Variants in PTK7 observed in about 807,000 individuals in gnomAD.
PTK7 encodes inactive tyrosine-protein kinase 7.
Under a neutral mutation model 116.6 loss-of-function variants are expected in PTK7, and 39 were observed. The ratio of observed to expected loss-of-function variants is 0.33; its 90% CI spans 0.26 to 0.44. PTK7 has a LOEUF of 0.44. Among genes scored for constraint, PTK7 ranks in the 20% least tolerant of loss-of-function variants. PTK7 has a pLI of 1.00. For missense variants in PTK7, 1,169 were observed against 1,425.6 expected (o/e 0.82, Z 2.90); for synonymous variants, 546 against 563.6 (o/e 0.97, Z 0.44).
intron 1 of PTK7, among the ~76,000 whole-genome samples, chr6:43,092,159 C>T (rs1237063700): frequency 6.6e-6 from 1 of 151,848 alleles, no homozygotes; most frequent in East Asian, 1.9e-4. Context: ...CTGTGCCCGG[C>T]CTACTGTGCC....
rs1412424517 is a variant in PTK7, at chr6:43,157,368, TTTTTTTTC to T, written c.2722-1441_2722-1434del. On this transcript the variant is annotated intron_variant, in intron 17 of 19. Coordinates refer to ENST00000230419, the MANE Select transcript of PTK7 (RefSeq NM_002821.5). Reference sequence around the variant, plus strand: ...TATATATATATATATATATATATTTTTTTTTTTCTTTTTTTTTTTTTTTTTTTAATAGA... The same window carrying T: ...TATATATATATATATATATATATTTTTTTTTTTTTTTTTTTTTTTAATAGA... Among the ~76,000 whole-genome samples the T allele has an allele frequency of 8.9e-3, 576 of 64,496 alleles. 32 individuals carry two copies. Among genetic ancestry groups the T allele is most frequent in the Non-Finnish European group, 0.011 (358 of 32,518 alleles). 42.3% of individuals were successfully genotyped at this position (64,496 alleles called of 152,430 possible).
At chr6:43,121,838 C>A (rs1211493361) in intron 1 of PTK7, among the ~76,000 whole-genome samples, 2 of 152,208 alleles carry the variant, frequency 1.3e-5, no homozygotes, top group Non-Finnish European at 2.9e-5. Flanking sequence ...TGAGACTGTT[C>A]TTCAAAACGT....
At chr6:43,132,988 G>A (rs949211221) in intron 7 of PTK7, 1 of 512,106 alleles carries the variant, frequency 2.0e-6, no homozygotes, top group Admixed American at 3.4e-5. Flanking sequence ...CCAATGCACA[G>A]AGTGACGATG....
At chr6:43,131,029 TCACACACACACACA>T (rs3222659) in intron 5 of PTK7, among the ~76,000 whole-genome samples, 7,340 of 133,832 alleles carry the variant, frequency 0.055, 238 homozygotes, top group Non-Finnish European at 0.076. Flanking sequence ...GGCAAAGACA[TCACACACACACACA>T]CACACACACA....
In PTK7 at chr6:43,132,588, G is replaced by T; in HGVS notation, c.1129G>T (p.Val377Leu). The change falls in exon 7 of 20, where the codon GTG becomes TTG. Residue 377 changes from valine (V) to leucine (L), a missense_variant. Around this residue, in one of 3 missense-constraint regions of PTK7, gnomAD observed 487 missense variants for 549.8 expected, o/e 0.89. Transcript: ENST00000230419. Reference protein sequence around the residue: ...GRVYQKGHELVLANIAESDAG... With the variant: ...GRVYQKGHELLLANIAESDAG... The stretch of plus-strand genomic sequence containing the variant: ...GGTCTACCAGAAGGGCCACGAGCTG[G>T]TGTTGGCCAATATTGCTGAAAGTGA... 6.2e-7 allele frequency: 1 copy of T among 1,612,848 alleles called. No homozygotes were observed. Among genetic ancestry groups the T allele is most frequent in the Non-Finnish European group, 8.5e-7 (1 of 1,179,658 alleles).
Position 43,161,042 on chromosome 6 carries a change from T to C in PTK7, c.*161T>C. On this transcript the variant is annotated 3_prime_UTR_variant, in exon 20 of 20. Transcript: ENST00000230419. The stretch of plus-strand genomic sequence containing the variant: ...AGCAGGGCCTGGCCTTTCCTCCTCT[T>C]CCTCACCCTCATCCTTTGGGAGGCT... The C allele has an allele frequency of 9.6e-7, 1 of 1,042,788 alleles. No individual in the cohort carries two copies. Among genetic ancestry groups the C allele is most frequent in the Non-Finnish European group, 1.3e-6 (1 of 744,786 alleles). 64.6% of individuals were successfully genotyped at this position (1,042,788 alleles called of 1,614,324 possible).
At chr6:43,103,834 C>G (rs1299488010) in intron 1 of PTK7, among the ~76,000 whole-genome samples, 2 of 152,196 alleles carry the variant, frequency 1.3e-5, no homozygotes, top group African/African-American at 2.4e-5. Context: ...GTGAATCCTT[C>G]TAGGACACCT....
At chr6:43,144,678 G>C in intron 15 of PTK7, 72 bp downstream of exon 15, 1 of 1,523,396 alleles carries the variant, frequency 6.6e-7, no homozygotes, top group African/African-American at 1.4e-5. Flanking sequence ...CTGGGTACGG[G>C]CTAGTGTTCT....
chr6:43,080,049 CAA>C (rs1173188904), intron 1 of PTK7, among the ~76,000 whole-genome samples: 192 of 56,788 alleles, frequency 3.4e-3, no homozygotes, highest in African/African-American at 8.1e-3. Context: ...TGACAGAGTT[CAA>C]AAAAAAAAAA....
At chr6:43,110,002 T>TA (rs2150401256) in intron 1 of PTK7, among the ~76,000 whole-genome samples, 1 of 147,044 alleles carries the variant, frequency 6.8e-6, no homozygotes, top group East Asian at 2.0e-4. Context: ...CCGGCCTTTT[T>TA]TTTTTTTTTT....
In PTK7 at chr6:43,145,438, C is replaced by T. The variant is rs1372970841; in HGVS notation, c.2640+6C>T. ...TGCTGGAATATGTGGATCTGGTATG[C>T]TGTTGGCAGGGGACGTGGGGGTCTC... On this transcript the variant is annotated splice_donor_region_variant and intron_variant, in intron 16 of 19. Coordinates refer to ENST00000230419, the MANE Select transcript of PTK7 (RefSeq NM_002821.5). This position sits in a 1 kb window ranked among gnomAD's most constrained non-coding sequence, Gnocchi z 4.8. 1.3e-6 allele frequency: 2 copies of T among 1,544,430 alleles called. No homozygotes were observed. The highest frequency in any genetic ancestry group is 1.2e-5 in the South Asian group (1 of 82,492).
At chr6:43,086,452 C>T (rs1164091673) in intron 1 of PTK7, among the ~76,000 whole-genome samples, 10 of 148,146 alleles carry the variant, frequency 6.8e-5, no homozygotes, top group Admixed American at 6.8e-5. Context: ...GGGGTGGTGG[C>T]GGGGCAATGA....
chr6:43,081,354 G>C (rs966068361), intron 1 of PTK7, among the ~76,000 whole-genome samples: 7 of 152,152 alleles, frequency 4.6e-5, no homozygotes, highest in Admixed American at 3.9e-4. Flanking sequence ...GTTTAGTACA[G>C]TACTTATTTA....
At chr6:43,146,434 G>A (rs565679381) in intron 16 of PTK7, among the ~76,000 whole-genome samples, 184 bp from the exon 17 acceptor site, 7 of 149,714 alleles carry the variant, frequency 4.7e-5, no homozygotes, top group East Asian at 4.0e-4. Flanking sequence ...TCTAGGAGGC[G>A]TCTCCTATAT....
At chr6:43,118,711 ATATATACG>A (rs1287773873) in intron 1 of PTK7, among the ~76,000 whole-genome samples, 1 of 140,102 alleles carries the variant, frequency 7.1e-6, no homozygotes, top group Non-Finnish European at 1.5e-5. Context: ...ATATGTCTGT[ATATATACG>A]TATATACATA....
intron 17 of PTK7, among the ~76,000 whole-genome samples, chr6:43,153,619 C>T (rs563335690): frequency 3.9e-5 from 6 of 152,240 alleles, no homozygotes; most frequent in South Asian, 2.1e-4. Context: ...CTATGTTGCC[C>T]AGGCTGGTCT....
At chr6:43,117,911 G>A (rs1273823006) in intron 1 of PTK7, among the ~76,000 whole-genome samples, 3 of 151,546 alleles carry the variant, frequency 2.0e-5, no homozygotes, top group Middle Eastern at 3.4e-3. Context: ...ACTCCAGCCT[G>A]GGCAAAAGAG....
Position 43,102,611 on chromosome 6 carries a change from CA to C in PTK7, c.79+26053del, listed in dbSNP as rs1024406483. On this transcript the variant is annotated intron_variant, in intron 1 of 19. Transcript: ENST00000230419. ...TCCCCCTACCCCACCAAAAAAAAAC[CA>C]AAAAAAAACAAACCAACCGCAAAGG... is the stretch of plus-strand genomic sequence containing the variant. Among the ~76,000 whole-genome samples, 42 of 144,690 alleles carry C rather than the reference CA, an allele frequency of 2.9e-4. 1 individual carries two copies. The highest frequency in any genetic ancestry group is 7.6e-5 in the Non-Finnish European group (5 of 65,696). The allele number at this position is 144,690 out of a possible 152,430, so 94.9% of individuals were successfully genotyped here.
At chr6:43,107,840 C>T (rs1317027767) in intron 1 of PTK7, among the ~76,000 whole-genome samples, 3 of 152,238 alleles carry the variant, frequency 2.0e-5, no homozygotes, top group East Asian at 1.9e-4. Context: ...GCACCTCTCA[C>T]GGGCGAGGCA....
Sources: allele counts gnomAD v4.1 joint callset (sites outside exome capture counted in the v4.1 genomes callset), GRCh38; gene constraint gnomAD v4.1.1; regional missense constraint gnomAD v4.1.1; non-coding constraint Gnocchi (gnomAD v3.1); transcripts MANE v1.5; gene names NCBI Gene and HGNC (gene_info 2026-07-23, HGNC 2026-07-21).